TSPAN5: variants seen among roughly 807,000 people sequenced by gnomAD.
TSPAN5 encodes the protein tetraspanin 5, also known as tetraspanin-5.
In TSPAN5, 10 loss-of-function variants were observed where a neutral mutation model predicts 37.1. The ratio of observed to expected loss-of-function variants is 0.27; its 90% CI spans 0.17 to 0.46. The LOEUF (loss-of-function observed/expected upper bound fraction) is 0.46, where lower values mean the gene tolerates loss of function less well. TSPAN5 is among the 20% of genes least tolerant of loss of function. The probability of loss-of-function intolerance (pLI) is 1.00; values close to 1 mark genes in which losing one functional copy is unlikely to be tolerated. For missense variants in TSPAN5, 195 were observed against 326.6 expected (o/e 0.60, Z 3.11); for synonymous variants, 110 against 118.9 (o/e 0.93, Z 0.48).
At chr4:98,608,680 A>G (rs139877943) in intron 1 of TSPAN5, among the ~76,000 whole-genome samples, 1 of 152,182 alleles carries the variant, frequency 6.6e-6, no homozygotes. Flanking sequence ...AAGAAAATCC[A>G]CAACATGTTG....
intron 1 of TSPAN5, among the ~76,000 whole-genome samples, chr4:98,538,962 C>G (rs1034784222): frequency 4.6e-5 from 7 of 152,012 alleles, no homozygotes; most frequent in Admixed American, 3.9e-4. Flanking sequence ...GAAAACGTCC[C>G]CTATCTATAA....
intron 1 of TSPAN5, among the ~76,000 whole-genome samples, chr4:98,614,166 G>A (rs533638252): frequency 7.9e-5 from 12 of 152,324 alleles, no homozygotes; most frequent in South Asian, 2.1e-4. Flanking sequence ...GTCATTTGGT[G>A]TTATTCATCT....
intron 1 of TSPAN5, among the ~76,000 whole-genome samples, chr4:98,522,433 C>T (rs181390227): frequency 1.3e-5 from 2 of 152,322 alleles, no homozygotes; most frequent in East Asian, 1.9e-4. Context: ...GTTATACCTC[C>T]GATCAAATCA....
intron 2 of TSPAN5, among the ~76,000 whole-genome samples, chr4:98,495,561 A>G (rs1373045023): frequency 6.6e-6 from 1 of 150,626 alleles, no homozygotes; most frequent in Non-Finnish European, 1.5e-5. Flanking sequence ...AGGACAAACC[A>G]GCTAACCTTC....
intron 4 of TSPAN5, 45 bp downstream of exon 4, chr4:98,481,960 C>T (rs759670988): frequency 1.3e-6 from 2 of 1,596,134 alleles, no homozygotes; most frequent in Middle Eastern, 1.8e-4. Flanking sequence ...CTGGGGTCAT[C>T]GTTCAGAGAA....
intron 1 of TSPAN5, among the ~76,000 whole-genome samples, chr4:98,639,312 T>TTCTAA (rs368308750): frequency 5.3e-5 from 8 of 152,246 alleles, no homozygotes; most frequent in South Asian, 2.1e-4. Context: ...TATCTATCTA[T>TTCTAA]TCTAATCTAA....
chr4:98,620,637 T>A (rs1756459865), intron 1 of TSPAN5, among the ~76,000 whole-genome samples: 1 of 152,120 alleles, frequency 6.6e-6, no homozygotes, highest in Non-Finnish European at 1.5e-5. Flanking sequence ...GAAAGTAGCA[T>A]TAGGGCTGCG....
intron 1 of TSPAN5, among the ~76,000 whole-genome samples, chr4:98,599,073 A>G (rs974706841): frequency 1.3e-5 from 2 of 152,230 alleles, no homozygotes; most frequent in Non-Finnish European, 2.9e-5. Flanking sequence ...AAATGGACAA[A>G]TAATATAAAA....
At chr4:98,569,679 T>C (rs1422075963) in intron 1 of TSPAN5, among the ~76,000 whole-genome samples, 1 of 152,200 alleles carries the variant, frequency 6.6e-6, no homozygotes, top group Non-Finnish European at 1.5e-5. Context: ...CTGGAGTTTC[T>C]ATCTCTGGGA....
chr4:98,480,925 A>C (rs548411179), intron 4 of TSPAN5, among the ~76,000 whole-genome samples: 1 of 152,286 alleles, frequency 6.6e-6, no homozygotes, highest in African/African-American at 2.4e-5. Flanking sequence ...TGAGTGCCTA[A>C]GGAAGGGGAT....
chr4:98,576,700 T>C (rs1437967288), intron 1 of TSPAN5, among the ~76,000 whole-genome samples: 2 of 152,074 alleles, frequency 1.3e-5, no homozygotes, highest in South Asian at 4.1e-4. Flanking sequence ...AGACCCTGTC[T>C]CAAAAAAAGG....
intron 1 of TSPAN5, among the ~76,000 whole-genome samples, chr4:98,640,866 C>T (rs1756951149): frequency 6.6e-6 from 1 of 152,202 alleles, no homozygotes; most frequent in South Asian, 2.1e-4. Flanking sequence ...TCAATTATCA[C>T]GTCAGCATTC....
intron 1 of TSPAN5, among the ~76,000 whole-genome samples, chr4:98,591,498 AT>A (rs1289937753): frequency 1.2e-5 from 1 of 82,870 alleles, no homozygotes; most frequent in African/African-American, 5.4e-5. Context: ...CATGAGCCAC[AT>A]GAGGCTACTA....
At position 98,476,184 on chromosome 4, in the gene TSPAN5, C is replaced by G; in HGVS notation, c.741+5G>C. ...TGTGATATCCATAAAGGACCCTTAT[C>G]TTACCTGCAGCAATGCAATGCCTAT... On this transcript the variant is annotated splice_donor_5th_base_variant and intron_variant, in intron 7 of 7. Coordinates refer to ENST00000305798, the MANE Select transcript of TSPAN5 (RefSeq NM_005723.4). 1 of 1,610,634 alleles carries G rather than the reference C, an allele frequency of 6.2e-7. No individual in the cohort carries two copies. The highest frequency in any genetic ancestry group is 1.3e-5 in the African/African-American group (1 of 74,990).
At chr4:98,571,343 T>A (rs1003673176) in intron 1 of TSPAN5, among the ~76,000 whole-genome samples, 5 of 148,552 alleles carry the variant, frequency 3.4e-5, no homozygotes, top group Admixed American at 2.0e-4. Context: ...GAGGAGGGAG[T>A]CTGGGGAAAG....
At chr4:98,568,937 G>C (rs2110179004) in intron 1 of TSPAN5, among the ~76,000 whole-genome samples, 1 of 152,308 alleles carries the variant, frequency 6.6e-6, no homozygotes, top group Non-Finnish European at 1.5e-5. Context: ...TAGTGAGAAA[G>C]GGCCTGAGGC....
chr4:98,480,811 G>C (rs78344931), intron 4 of TSPAN5, among the ~76,000 whole-genome samples: 1 of 152,130 alleles, frequency 6.6e-6, no homozygotes, highest in South Asian at 2.1e-4. Context: ...CAGTGAAGTC[G>C]GCTGAGGACA....
chr4:98,602,860 A>C (rs991815641), intron 1 of TSPAN5, among the ~76,000 whole-genome samples: 4 of 152,180 alleles, frequency 2.6e-5, no homozygotes, highest in African/African-American at 9.7e-5. Flanking sequence ...CAGGCTCCTA[A>C]CACATATGAC....
chr4:98,490,966 G>A (rs1445381394), intron 2 of TSPAN5, among the ~76,000 whole-genome samples: 1 of 152,106 alleles, frequency 6.6e-6, no homozygotes, highest in African/African-American at 2.4e-5. Context: ...GGAGGCTGAG[G>A]CAGAAGAATG....
Sources: gnomAD v4.1 joint callset for allele counts (sites outside exome capture counted in the v4.1 genomes callset) on GRCh38, gnomAD v4.1.1 for gene constraint, MANE v1.5 for transcripts, NCBI Gene and HGNC (gene_info 2026-07-23, HGNC 2026-07-21) for gene names.